The following MEAK7 variants were observed in gnomAD, a reference collection of about 807,000 sequenced individuals.
The protein encoded by MEAK7 is MTOR-associated protein MEAK7.
MEAK7 carries 68 observed loss-of-function variants against 40.5 expected under a neutral mutation model. That is an observed-to-expected ratio of 1.68 (90% CI 1.38 to 2.06). MEAK7 has a LOEUF of 2.06. MEAK7 is among the 30% of genes most tolerant of loss of function. MEAK7 has a pLI of 0.00. For synonymous variants in MEAK7, 338 were observed against 231.9 expected, an observed-to-expected ratio of 1.46 and a Z score of -4.16; for missense variants, 918 against 580.5, an observed-to-expected ratio of 1.58 and a Z score of -5.98.
chr16:84,496,317 G>C (rs1196192215), intron 2 of MEAK7, among the ~76,000 whole-genome samples: 3 of 152,190 alleles, frequency 2.0e-5, no homozygotes, highest in African/African-American at 7.2e-5. Flanking sequence ...AACCAATCCA[G>C]AGCCCTGTGC....
intron 3 of MEAK7, among the ~76,000 whole-genome samples, chr16:84,489,779 T>C (rs1270271857): frequency 6.6e-6 from 1 of 152,054 alleles, no homozygotes; most frequent in African/African-American, 2.4e-5. Flanking sequence ...CTCCCCAAAT[T>C]TGGTTGAGAT....
rs149189547 is a variant in MEAK7 at position 84,503,992 on chromosome 16, T to G, written c.-26+609A>C. On this transcript the variant is annotated intron_variant, in intron 1 of 7. Transcript: ENST00000343629. ...CTGGGGAGATTCCAACTGCCTCATCTGGACAGGCTTCGAAGTCCTGTCTGT... is the reference window on the plus strand; with the variant it reads ...CTGGGGAGATTCCAACTGCCTCATCGGGACAGGCTTCGAAGTCCTGTCTGT... 965 of 985,530 alleles carry G rather than the reference T, an allele frequency of 9.8e-4. 5 individuals carry two copies. The highest frequency in any genetic ancestry group is 8.6e-3 in the African/African-American group (492 of 57,368). 61.0% of individuals were successfully genotyped at this position (985,530 alleles called of 1,614,324 possible). A position where few individuals can be genotyped will look rare whatever the true frequency, so the allele number is the denominator to read the frequency against.
At chr16:84,493,429 T>C (rs1040788725) in intron 3 of MEAK7, among the ~76,000 whole-genome samples, 2 of 152,224 alleles carry the variant, frequency 1.3e-5, no homozygotes, top group African/African-American at 4.8e-5. Flanking sequence ...TTCATGAGGA[T>C]TGCCGATCCA....
intron 1 of MEAK7, among the ~76,000 whole-genome samples, chr16:84,498,697 T>C (rs1914258218): frequency 6.6e-6 from 1 of 152,110 alleles, no homozygotes; most frequent in African/African-American, 2.4e-5. Flanking sequence ...TTTGAGAACA[T>C]AGTGCCCAAG....
At position 84,480,647 on chromosome 16, in the gene MEAK7, T is replaced by C; in HGVS notation, c.1139A>G (p.His380Arg). The change falls in exon 7 of 8, where the codon CAC becomes CGC. Residue 380 changes from histidine (H) to arginine (R), a missense_variant. Transcript: ENST00000343629. ...LWVDVDFGKGHSRAKPTCTTY... is the reference protein window; with the variant it reads ...LWVDVDFGKGRSRAKPTCTTY... ...GGTGCACGTGGGCTTGGCTCTGCTG[T>C]GTCCTTTCCCAAAATCAACATCCAC... 3 of 1,614,028 alleles carry C rather than the reference T, an allele frequency of 1.9e-6. No individual in the cohort carries two copies. Among genetic ancestry groups the C allele is most frequent in the African/African-American group, 1.3e-5 (1 of 75,010 alleles).
At chr16:84,491,791 C>T (rs1476372921) in intron 3 of MEAK7, among the ~76,000 whole-genome samples, 8 of 145,652 alleles carry the variant, frequency 5.5e-5, no homozygotes, top group Admixed American at 1.4e-4. Context: ...TGACTGAGAT[C>T]GCGCCACTGC....
intron 5 of MEAK7, 114 bp downstream of exon 5, chr16:84,486,517 G>T: frequency 1.4e-6 from 2 of 1,469,046 alleles, no homozygotes; most frequent in Non-Finnish European, 1.8e-6. Flanking sequence ...TGCGTCTAGA[G>T]AAACACTTGG....
At chr16:84,498,722 G>C (rs554081474) in intron 1 of MEAK7, among the ~76,000 whole-genome samples, 2 of 151,906 alleles carry the variant, frequency 1.3e-5, no homozygotes, top group Non-Finnish European at 2.9e-5. Flanking sequence ...TATAATCAAA[G>C]GCAGGACAAA....
At chr16:84,497,277 A>C (rs12599743) in intron 2 of MEAK7, 32,752 of 578,380 alleles carry the variant, frequency 0.057, 1,427 homozygotes, top group East Asian at 0.19. Context: ...CCGAGCACTC[A>C]AACCTGCAGC....
chr16:84,502,154 A>AG (rs1390663817), intron 1 of MEAK7, among the ~76,000 whole-genome samples: 3 of 151,992 alleles, frequency 2.0e-5, no homozygotes, highest in African/African-American at 7.3e-5. Flanking sequence ...CAAAAAAAAA[A>AG]AAGACAATGC....
chr16:84,491,482 T>C (rs1236824066), intron 3 of MEAK7, among the ~76,000 whole-genome samples: 1 of 146,716 alleles, frequency 6.8e-6, no homozygotes, highest in Non-Finnish European at 1.5e-5. Flanking sequence ...GAGGTTGTAG[T>C]GAGCTGAGGT....
intron 1 of MEAK7, chr16:84,504,262 G>A (rs1332588165): frequency 1.6e-5 from 10 of 608,324 alleles, no homozygotes; most frequent in Middle Eastern, 8.1e-4. Context: ...CCCTTTCCGC[G>A]TCTACACAGG....
Position 84,479,396 on chromosome 16 carries a change from G to C in MEAK7, c.*517C>G, listed in dbSNP as rs1912298190. 4 of 148,886 alleles carry C rather than the reference G, an allele frequency of 2.7e-5. No individual in the cohort carries two copies. The highest frequency in any genetic ancestry group is 2.0e-4 in the Admixed American group (3 of 14,956). The allele number at this position is 148,886 out of a possible 1,614,324, so 9.2% of individuals were successfully genotyped here. On this transcript the variant is annotated 3_prime_UTR_variant, in exon 8 of 8. Coordinates refer to ENST00000343629, the MANE Select transcript of MEAK7 (RefSeq NM_020947.4). ...AAGTTGAGATCCCAGCAATGCTAAT[G>C]CCAGCGGAATTCCCTAATGCCAGCG...
intron 1 of MEAK7, 137 bp downstream of exon 1, chr16:84,504,464 G>A (rs757885961): frequency 3.1e-5 from 12 of 381,826 alleles, no homozygotes; most frequent in South Asian, 1.2e-4. Flanking sequence ...CCCCCGACCC[G>A]AGGGCCTGAA....
rs1464732846 is a variant in MEAK7, at chr16:84,486,870, C to G, written c.719G>C (p.Arg240Thr). 4.3e-6 allele frequency: 7 copies of G among 1,614,064 alleles called. No individual in the cohort carries two copies. Among genetic ancestry groups the G allele is most frequent in the Non-Finnish European group, 5.9e-6 (7 of 1,180,052 alleles). The change falls in exon 5 of 8, where the codon AGG (arginine) becomes ACG (threonine). Residue 240 changes from arginine to threonine, a missense_variant. Coordinates refer to ENST00000343629, the MANE Select transcript of MEAK7 (RefSeq NM_020947.4). Reference protein sequence around the residue: ...LVPERQVDQGRGFESILDVLS... With the variant: ...LVPERQVDQGTGFESILDVLS... Reference sequence around the variant, plus strand: ...GACATCCAGGATGCTCTCAAAACCCCTGCCCTGGTCCACTTGACGCTCAGG... The same window carrying G: ...GACATCCAGGATGCTCTCAAAACCCGTGCCCTGGTCCACTTGACGCTCAGG...
chr16:84,504,607 G>C lies in MEAK7; in HGVS notation c.-32C>G, dbSNP rs185893480. ...CCTCAGCCCAGGTACCTACCCTGCCGGGCTTCCTGGTGCTGTCCGGTCCGG... is the reference window on the plus strand; with the variant it reads ...CCTCAGCCCAGGTACCTACCCTGCCCGGCTTCCTGGTGCTGTCCGGTCCGG... On this transcript the variant is annotated 5_prime_UTR_variant, in exon 1 of 8. Transcript: ENST00000343629. The C allele has an allele frequency of 8.4e-5, 83 of 985,668 alleles. No individual in the cohort carries two copies. In the East Asian group the frequency reaches 8.3e-3, roughly 98 times the overall value. The allele number at this position is 985,668 out of a possible 1,614,324, so 61.1% of individuals were successfully genotyped here.
chr16:84,495,940 G>A (rs747940754), intron 2 of MEAK7, 27 bp from the exon 3 acceptor site: 2 of 1,610,024 alleles, frequency 1.2e-6, no homozygotes, highest in African/African-American at 1.3e-5. Flanking sequence ...GAAAAATATG[G>A]TTAGACAGTG....
At chr16:84,504,233 C>G (rs1914714926) in intron 1 of MEAK7, 1 of 882,596 alleles carries the variant, frequency 1.1e-6, no homozygotes, top group Non-Finnish European at 1.4e-6. Context: ...AGACTCGCCT[C>G]CTCCGTGGAG....
chr16:84,483,576 C>T (rs746607117), intron 5 of MEAK7, among the ~76,000 whole-genome samples: 16 of 152,172 alleles, frequency 1.1e-4, no homozygotes, highest in African/African-American at 2.7e-4. Context: ...CATGATGGAA[C>T]GCAGATAAGA....
Sources: gnomAD v4.1 joint callset for allele counts (sites outside exome capture counted in the v4.1 genomes callset) on GRCh38, gnomAD v4.1.1 for gene constraint, MANE v1.5 for transcripts, NCBI Gene and HGNC (gene_info 2026-07-23, HGNC 2026-07-21) for gene names.